The following WWC1 variants were observed in gnomAD, a reference collection of about 807,000 sequenced individuals.
The protein encoded by WWC1 is protein KIBRA.
WWC1 carries 55 observed loss-of-function variants against 138.4 expected under a neutral mutation model. That is an observed-to-expected ratio of 0.40 (90% CI 0.32 to 0.50). The LOEUF (loss-of-function observed/expected upper bound fraction) is 0.50, where lower values mean the gene tolerates loss of function less well. Among genes scored for constraint, WWC1 ranks in the 20% least tolerant of loss-of-function variants. The pLI is 0.72. For missense variants in WWC1, 1,226 were observed against 1,420.4 expected (o/e 0.86, Z 2.20); for synonymous variants, 524 against 564.9 (o/e 0.93, Z 1.03).
chr5:168,450,618 G>A (rs568640525), intron 17 of WWC1, among the ~76,000 whole-genome samples: 89 of 152,060 alleles, frequency 5.9e-4, no homozygotes, highest in African/African-American at 2.1e-3. Context: ...GTGAGCTGAG[G>A]TCGCACCACT....
intron 2 of WWC1, among the ~76,000 whole-genome samples, chr5:168,375,181 C>T (rs892166785): frequency 6.6e-6 from 1 of 152,046 alleles, no homozygotes; most frequent in South Asian, 2.1e-4. Flanking sequence ...TATGTAAAGA[C>T]ACTAAGTTGG....
intron 17 of WWC1, among the ~76,000 whole-genome samples, chr5:168,450,337 T>C (rs1008223078): frequency 6.6e-6 from 1 of 151,752 alleles, no homozygotes; most frequent in Non-Finnish European, 1.5e-5. Flanking sequence ...GATATTCATA[T>C]GGAAAAAAAA....
chr5:168,412,975 C>G (rs1323826656), intron 8 of WWC1, among the ~76,000 whole-genome samples: 2 of 152,162 alleles, frequency 1.3e-5, no homozygotes, highest in Admixed American at 1.3e-4. Flanking sequence ...AGAATTCCTC[C>G]TGGGACACTT....
At chr5:168,399,393 G>A (rs539580027) in intron 4 of WWC1, 95 bp from the exon 5 acceptor site, 98 of 1,323,834 alleles carry the variant, frequency 7.4e-5, no homozygotes, top group Non-Finnish European at 9.8e-5. Flanking sequence ...TGCAGGCGCA[G>A]TGGGAGGCTC....
chr5:168,295,948 G>T (rs1173137453), intron 1 of WWC1, among the ~76,000 whole-genome samples: 1 of 152,200 alleles, frequency 6.6e-6, no homozygotes, highest in Non-Finnish European at 1.5e-5. Context: ...AGCACCACAG[G>T]CTTTTCCTGA....
At chr5:168,300,765 C>T (rs1364273600) in intron 1 of WWC1, among the ~76,000 whole-genome samples, 1 of 152,136 alleles carries the variant, frequency 6.6e-6, no homozygotes, top group Non-Finnish European at 1.5e-5. Flanking sequence ...CCCACACTGG[C>T]TTCCTCCCCG....
At chr5:168,378,740 T>C (rs1016010019) in intron 2 of WWC1, among the ~76,000 whole-genome samples, 2 of 152,238 alleles carry the variant, frequency 1.3e-5, no homozygotes, top group Non-Finnish European at 1.5e-5. Flanking sequence ...AGTATGGGGC[T>C]ATGTTCGTTT....
chr5:168,292,500 G>A lies in WWC1; in HGVS notation c.119+229G>A, dbSNP rs1451919924. On this transcript the variant is annotated intron_variant, in intron 1 of 22. Coordinates refer to ENST00000265293, the MANE Select transcript of WWC1 (RefSeq NM_015238.3). This position sits in a 1 kb window ranked among gnomAD's most constrained non-coding sequence, Gnocchi z 4.4. The stretch of plus-strand genomic sequence containing the variant: ...GGGAGCTGGCCCAGGCTGCCCCACC[G>A]CCATCCCCAGTTGGAGGACTTAGGC... 2.6e-5 allele frequency among the ~76,000 whole-genome samples: 4 copies of A among 151,750 alleles called. No homozygotes were observed. Among genetic ancestry groups the A allele is most frequent in the Admixed American group, 6.6e-5 (1 of 15,252 alleles).
chr5:168,365,870 G>C (rs1239648442), intron 1 of WWC1, among the ~76,000 whole-genome samples: 3 of 152,222 alleles, frequency 2.0e-5, no homozygotes, highest in Non-Finnish European at 2.9e-5. Flanking sequence ...TGCCCCTCCA[G>C]CATCTGGGTC....
Position 168,411,980 on chromosome 5 carries a change from A to G in WWC1, c.941+1985A>G, listed in dbSNP as rs187003625. On this transcript the variant is annotated intron_variant, in intron 8 of 22. Coordinates refer to ENST00000265293, the MANE Select transcript of WWC1 (RefSeq NM_015238.3). ...TTGAATACTGGTCAGGTAGAAAAAA[A>G]CAGATGTCCTATGTACTATTTCAGC... is the stretch of plus-strand genomic sequence containing the variant. 928 of 985,392 alleles carry G rather than the reference A, an allele frequency of 9.4e-4. 2 individuals are homozygous for G. The Middle Eastern group carries it at 0.01, about 11-fold the overall frequency. 61.0% of individuals were successfully genotyped at this position (985,392 alleles called of 1,614,324 possible).
intron 16 of WWC1, among the ~76,000 whole-genome samples, chr5:168,444,089 G>A (rs918613408): frequency 2.0e-5 from 3 of 152,314 alleles, no homozygotes; most frequent in Admixed American, 6.5e-5. Flanking sequence ...CTGTTCCGCT[G>A]TTCCCAAACA....
At chr5:168,404,874 CTA>C (rs1366764802) in intron 5 of WWC1, among the ~76,000 whole-genome samples, 10 of 148,172 alleles carry the variant, frequency 6.7e-5, no homozygotes, top group African/African-American at 2.3e-4. Context: ...CTTCAGAAAA[CTA>C]TGTCAGGACA....
rs1030249478 is a variant in WWC1, at chr5:168,444,653, C to T, written c.2525+68C>T. On this transcript the variant is annotated intron_variant, in intron 17 of 22. Transcript: ENST00000265293. ...GACCTAGGCCCAGCAATGAGATCCC[C>T]CAATGCCAGTGCAACTAAGAGAAGG... The T allele has an allele frequency of 7.8e-6, 12 of 1,536,770 alleles. No individual in the cohort carries two copies. In the African/African-American group the frequency reaches 1.4e-4, roughly 17 times the overall value.
intron 9 of WWC1, among the ~76,000 whole-genome samples, chr5:168,420,078 T>C (rs956989928): frequency 6.6e-6 from 1 of 152,216 alleles, no homozygotes; most frequent in Non-Finnish European, 1.5e-5. Flanking sequence ...AACCTCAGAA[T>C]GTTGTGTGTA....
intron 20 of WWC1, among the ~76,000 whole-genome samples, chr5:168,461,334 GA>G (rs891856686): frequency 1.3e-5 from 2 of 150,764 alleles, no homozygotes; most frequent in African/African-American, 2.4e-5. Flanking sequence ...TCTGTCTCAG[GA>G]AAAAAAAAGA....
At chr5:168,424,139 C>A in intron 11 of WWC1, 71 bp downstream of exon 11, 1 of 1,502,866 alleles carries the variant, frequency 6.7e-7, no homozygotes, top group South Asian at 1.4e-5. Context: ...CAGAACCCCC[C>A]AGTGATCATT....
At chr5:168,370,789 A>G (rs138203354) in intron 1 of WWC1, among the ~76,000 whole-genome samples, 122 of 152,374 alleles carry the variant, frequency 8.0e-4, no homozygotes, top group African/African-American at 2.7e-3. Flanking sequence ...AGATGGGGAC[A>G]TAGAGAGCGG....
At position 168,468,998 on chromosome 5, in the gene WWC1, T is replaced by C; in HGVS notation, c.3323T>C (p.Leu1108Pro). The C allele has an allele frequency of 4.3e-6, 7 of 1,614,272 alleles. No homozygotes were observed. Among genetic ancestry groups the C allele is most frequent in the Non-Finnish European group, 5.9e-6 (7 of 1,180,044 alleles). The change falls in exon 23 of 23, where the codon CTC becomes CCC. Residue 1108 changes from leucine (L) to proline (P), a missense_variant. This residue lies in a region of WWC1 where 206 missense variants were observed against 247.4 expected (regional missense o/e 0.83). Coordinates refer to ENST00000265293, the MANE Select transcript of WWC1 (RefSeq NM_015238.3). ...CGGCCTCGGATGAATATCCCAGCTC[T>C]CTCTGCAGATGACGTCTAATCGCCA... is the stretch of plus-strand genomic sequence containing the variant. ...FTRPRMNIPA[L>P]SADDV
intron 17 of WWC1, among the ~76,000 whole-genome samples, chr5:168,448,306 C>A (rs1465105149): frequency 6.6e-6 from 1 of 152,198 alleles, no homozygotes; most frequent in Admixed American, 6.5e-5. Context: ...AATTTACAGT[C>A]CTTCCTCGGC....
Sources: gnomAD v4.1 joint callset for allele counts (sites outside exome capture counted in the v4.1 genomes callset) on GRCh38, gnomAD v4.1.1 for gene constraint, gnomAD v4.1.1 regional missense constraint, Gnocchi (gnomAD v3.1) non-coding constraint, MANE v1.5 for transcripts, NCBI Gene and HGNC (gene_info 2026-07-23, HGNC 2026-07-21) for gene names.